The following RASAL2 variants were observed in gnomAD, a reference collection of about 807,000 sequenced individuals.
The protein encoded by RASAL2 is RAS protein activator like 2, also known as ras GTPase-activating protein nGAP.
RASAL2 carries 58 observed loss-of-function variants against 128.9 expected under a neutral mutation model. The ratio of observed to expected loss-of-function variants is 0.45; its 90% CI spans 0.36 to 0.56. RASAL2 has a LOEUF of 0.56. Among genes scored for constraint, RASAL2 ranks in the 20% least tolerant of loss-of-function variants. The pLI is 0.00. For missense variants in RASAL2, 1,360 were observed against 1,601.6 expected (o/e 0.85, Z 2.57); for synonymous variants, 561 against 580.8 (o/e 0.97, Z 0.49).
rs368891006 is a variant in RASAL2, at chr1:178,319,527, T to A, written c.457+19409T>A. Among the ~76,000 whole-genome samples the A allele has an allele frequency of 3.4e-3, 512 of 150,166 alleles. 13 individuals are homozygous for A. Among genetic ancestry groups the A allele is most frequent in the Non-Finnish European group, 8.2e-4 (56 of 67,884 alleles). On this transcript the variant is annotated intron_variant, in intron 3 of 17. Transcript: ENST00000367649. ...CTTTTTTCTCTAAACTTCCCTTCTC[T>A]CTTCATTTCATTCATTTCATCTTCC...
intron 12 of RASAL2, among the ~76,000 whole-genome samples, chr1:178,456,270 C>G (rs2102903366): frequency 6.6e-6 from 1 of 152,180 alleles, no homozygotes; most frequent in African/African-American, 2.4e-5. Flanking sequence ...TCACATGATC[C>G]CTTTTCTTTG....
chr1:178,289,640 C>G (rs999673155), intron 2 of RASAL2, among the ~76,000 whole-genome samples: 6 of 152,166 alleles, frequency 3.9e-5, no homozygotes, highest in Admixed American at 2.0e-4. Flanking sequence ...ACTCATATAT[C>G]CATCTGTGCA....
At chr1:178,206,877 T>C (rs1270882758) in intron 1 of RASAL2, among the ~76,000 whole-genome samples, 2 of 152,074 alleles carry the variant, frequency 1.3e-5, no homozygotes, top group Non-Finnish European at 2.9e-5. Context: ...ATTCAGACAT[T>C]AAAAGTAATG....
At chr1:178,268,308 A>AG in intron 1 of RASAL2, among the ~76,000 whole-genome samples, 1 of 152,204 alleles carries the variant, frequency 6.6e-6, no homozygotes, top group East Asian at 1.9e-4. Flanking sequence ...TCTCTACTAA[A>AG]AATACAAAAA....
chr1:178,361,426 A>G (rs1671100866), intron 3 of RASAL2, among the ~76,000 whole-genome samples: 1 of 152,010 alleles, frequency 6.6e-6, no homozygotes, highest in Non-Finnish European at 1.5e-5. Context: ...CTTTTTTTTG[A>G]GTTGCCAAAA....
At chr1:178,326,528 C>A (rs1213049615) in intron 3 of RASAL2, among the ~76,000 whole-genome samples, 2 of 152,048 alleles carry the variant, frequency 1.3e-5, no homozygotes, top group Non-Finnish European at 2.9e-5. Flanking sequence ...CAGAAAATAT[C>A]TAATTAATTT....
At chr1:178,402,886 C>T (rs1572010117) in intron 4 of RASAL2, among the ~76,000 whole-genome samples, 1 of 152,222 alleles carries the variant, frequency 6.6e-6, no homozygotes, top group Non-Finnish European at 1.5e-5. Context: ...TAGTATTTCA[C>T]ATTATATTAT....
chr1:178,333,204 A>G (rs969535809), intron 3 of RASAL2, among the ~76,000 whole-genome samples: 21 of 150,940 alleles, frequency 1.4e-4, no homozygotes, highest in African/African-American at 4.9e-4. Context: ...AATTTTTTGT[A>G]TTTTTAGTAG....
intron 1 of RASAL2, among the ~76,000 whole-genome samples, chr1:178,180,379 C>G (rs1010232783): frequency 1.3e-5 from 2 of 150,170 alleles, no homozygotes; most frequent in South Asian, 4.2e-4. Flanking sequence ...CATGGTGGCT[C>G]ATTCCTGTTA....
At chr1:178,378,062 G>A (rs1672086396) in intron 3 of RASAL2, among the ~76,000 whole-genome samples, 2 of 151,358 alleles carry the variant, frequency 1.3e-5, no homozygotes, top group Admixed American at 6.6e-5. Context: ...AGAAAATACA[G>A]TAAGATGGTA....
At chr1:178,441,799 A>G (rs977417925) in intron 7 of RASAL2, 152 bp downstream of exon 7, 1 of 579,680 alleles carries the variant, frequency 1.7e-6, no homozygotes, top group Non-Finnish European at 3.1e-6. Context: ...AGCCCTTATT[A>G]TATCACCATA....
chr1:178,416,504 A>G (rs761001775), intron 4 of RASAL2, among the ~76,000 whole-genome samples: 13 of 150,992 alleles, frequency 8.6e-5, no homozygotes, highest in East Asian at 3.8e-4. Context: ...TATTAAATCA[A>G]TTAAGAAGAA....
chr1:178,307,945 A>T (rs1668069039), intron 3 of RASAL2, among the ~76,000 whole-genome samples: 1 of 152,216 alleles, frequency 6.6e-6, no homozygotes, highest in Non-Finnish European at 1.5e-5. Context: ...CGTAAATCCG[A>T]GGCTTTCTCA....
intron 14 of RASAL2, among the ~76,000 whole-genome samples, chr1:178,463,942 A>G (rs560799927): frequency 6.6e-6 from 1 of 152,260 alleles, no homozygotes; most frequent in Admixed American, 6.5e-5. Flanking sequence ...GGCAGAGGTC[A>G]TTTATTAATT....
chr1:178,221,681 G>T (rs1420607732), intron 1 of RASAL2, among the ~76,000 whole-genome samples: 1 of 152,100 alleles, frequency 6.6e-6, no homozygotes, highest in East Asian at 1.9e-4. Context: ...CTAGAATGTG[G>T]CCTATCTTGA....
At position 178,215,522 on chromosome 1, in the gene RASAL2, C is replaced by T. The variant is rs142932914; in HGVS notation, c.203-68042C>T. Among the ~76,000 whole-genome samples the T allele has an allele frequency of 2.1e-3, 323 of 152,278 alleles. 2 individuals carry two copies. The highest frequency in any genetic ancestry group is 6.2e-3 in the South Asian group (30 of 4,824). On this transcript the variant is annotated intron_variant, in intron 1 of 17. Coordinates refer to ENST00000367649, the MANE Select transcript of RASAL2 (RefSeq NM_170692.4). Reference sequence around the variant, plus strand: ...AAATCTTTGCTAAGACTTGAGTGTTCATTATACCAGCTAGTATTACTTATG... The same window carrying T: ...AAATCTTTGCTAAGACTTGAGTGTTTATTATACCAGCTAGTATTACTTATG...
chr1:178,137,191 T>A (rs1660357242), intron 1 of RASAL2, among the ~76,000 whole-genome samples: 1 of 152,204 alleles, frequency 6.6e-6, no homozygotes, highest in Non-Finnish European at 1.5e-5. Flanking sequence ...CTAATGTTTA[T>A]TAGTTTCAGG....
At chr1:178,392,369 C>T (rs1415014563) in intron 4 of RASAL2, among the ~76,000 whole-genome samples, 2 of 152,078 alleles carry the variant, frequency 1.3e-5, no homozygotes, top group Non-Finnish European at 2.9e-5. Flanking sequence ...CATGGGATGA[C>T]TGATGCTTCC....
chr1:178,185,058 A>G (rs572312497), intron 1 of RASAL2, among the ~76,000 whole-genome samples: 1 of 144,492 alleles, frequency 6.9e-6, no homozygotes, highest in East Asian at 2.1e-4. Flanking sequence ...TTTCTTTTCT[A>G]TTCTCTTTTT....
Sources: allele counts gnomAD v4.1 joint callset (sites outside exome capture counted in the v4.1 genomes callset), GRCh38; gene constraint gnomAD v4.1.1; transcripts MANE v1.5; gene names NCBI Gene and HGNC (gene_info 2026-07-23, HGNC 2026-07-21).